The following HTR2C variants were observed in gnomAD, a reference collection of about 807,000 sequenced individuals.
HTR2C encodes 5-hydroxytryptamine receptor 2C, also known as 5-hydroxytryptamine (serotonin) receptor 2C, G protein-coupled.
A neutral mutation model predicts 21.0 loss-of-function variants in HTR2C; 5 were observed. That is an observed-to-expected ratio of 0.24 (90% confidence interval 0.12 to 0.50). The LOEUF (loss-of-function observed/expected upper bound fraction) is 0.50, where lower values mean the gene tolerates loss of function less well. Ranked by LOEUF, HTR2C falls within the 20% of genes least tolerant of loss-of-function variation. The pLI is 0.98. For synonymous variants in HTR2C, 150 were observed against 145.3 expected, an observed-to-expected ratio of 1.03 and a Z score of -0.23; for missense variants, 271 against 371.2, an observed-to-expected ratio of 0.73 and a Z score of 2.22.
intron 4 of HTR2C, among the ~76,000 whole-genome samples, chrX:114,843,290 C>CA (rs2147484612): frequency 9.0e-6 from 1 of 110,674 alleles, no homozygotes; most frequent in African/African-American, 3.3e-5. Context: ...AAATTGTAAA[C>CA]AAAAAACAAT....
At chrX:114,703,978 C>G (rs201092318) in intron 2 of HTR2C, among the ~76,000 whole-genome samples, 1 of 110,066 alleles carries the variant, frequency 9.1e-6, no homozygotes, top group Non-Finnish European at 1.9e-5. Flanking sequence ...ATAAATTCCT[C>G]GACACATACA....
At chrX:114,815,947 A>G (rs2070580614) in intron 4 of HTR2C, among the ~76,000 whole-genome samples, 2 of 110,150 alleles carry the variant, frequency 1.8e-5, no homozygotes, top group Admixed American at 2.0e-4. Context: ...TCTCCTTGAC[A>G]TTTTCGACAA....
At chrX:114,630,389 G>A (rs1929564589) in intron 2 of HTR2C, among the ~76,000 whole-genome samples, 1 of 111,945 alleles carries the variant, frequency 8.9e-6, no homozygotes, top group African/African-American at 3.2e-5. Context: ...ATTGGTGAGT[G>A]GGGAGATTTT....
At chrX:114,731,705 G>C in intron 4 of HTR2C, 98 bp downstream of exon 4, 1 of 669,134 alleles carries the variant, frequency 1.5e-6, no homozygotes, top group Non-Finnish European at 2.2e-6. Context: ...TGTAACATTT[G>C]GAAAAAGAAA....
chrX:114,663,730 T>C (rs941666396), intron 2 of HTR2C, among the ~76,000 whole-genome samples: 20 of 111,564 alleles, frequency 1.8e-4, no homozygotes, highest in Non-Finnish European at 3.8e-4. Flanking sequence ...GGTTGCCCTT[T>C]CTCCAGAGGT....
chrX:114,800,886 A>G (rs1602800855), intron 4 of HTR2C, among the ~76,000 whole-genome samples: 2 of 111,309 alleles, frequency 1.8e-5, no homozygotes, highest in Admixed American at 1.9e-4. Context: ...CTCACATTTC[A>G]CAATAAGATA....
At chrX:114,905,928 A>G (rs782811439) in intron 5 of HTR2C, among the ~76,000 whole-genome samples, 1 of 111,451 alleles carries the variant, frequency 9.0e-6, no homozygotes, top group African/African-American at 3.3e-5. Context: ...GGAGGACTGC[A>G]TATCTCCCAA....
chrX:114,722,519 C>T (rs1320604543), intron 2 of HTR2C, among the ~76,000 whole-genome samples: 1 of 111,011 alleles, frequency 9.0e-6, no homozygotes, highest in Non-Finnish European at 1.9e-5. Flanking sequence ...CTTCTCCTGC[C>T]TGATCGCCCT....
chrX:114,799,248 T>G (rs782751110), intron 4 of HTR2C, among the ~76,000 whole-genome samples: 11 of 110,972 alleles, frequency 9.9e-5, no homozygotes, highest in Non-Finnish European at 1.7e-4. Flanking sequence ...ACTTTTAACT[T>G]TATGTTCAAT....
Position 114,907,830 on chromosome X carries a change from G to A in HTR2C, c.*415G>A, listed in dbSNP as rs201614547. 7.8e-6 allele frequency: 1 copy of A among 128,700 alleles called. No individual in the cohort carries two copies. Among genetic ancestry groups the A allele is most frequent in the South Asian group, 2.6e-4 (1 of 3,787 alleles). 10.6% of individuals were successfully genotyped at this position (128,700 alleles called of 1,213,427 possible). On this transcript the variant is annotated 3_prime_UTR_variant, in exon 6 of 6. Coordinates refer to ENST00000276198, the MANE Select transcript of HTR2C (RefSeq NM_000868.4). ...AACCACACCTAAATTAACAAATTCA[G>A]TGGACATTTGTTCTGGGTTAACAGT...
At chrX:114,706,670 C>A (rs1472821535) in intron 2 of HTR2C, among the ~76,000 whole-genome samples, 192 of 105,247 alleles carry the variant, frequency 1.8e-3, no homozygotes, top group Non-Finnish European at 3.3e-3. Flanking sequence ...TGTAACTAAC[C>A]TACACATTGT....
At chrX:114,677,273 A>G (rs1451741264) in intron 2 of HTR2C, among the ~76,000 whole-genome samples, 1 of 111,367 alleles carries the variant, frequency 9.0e-6, no homozygotes, top group African/African-American at 3.3e-5. Context: ...TGAAATGGGT[A>G]AGAGTCTGGA....
chrX:114,899,335 G>A (rs1465538575), intron 5 of HTR2C, among the ~76,000 whole-genome samples: 1 of 111,236 alleles, frequency 9.0e-6, no homozygotes, highest in Non-Finnish European at 1.9e-5. Flanking sequence ...TTGACTTCCC[G>A]GATTCAGCCC....
chrX:114,626,229 AT>A (rs1422698765), intron 2 of HTR2C, among the ~76,000 whole-genome samples: 1,167 of 107,532 alleles, frequency 0.011, 26 homozygotes, highest in African/African-American at 0.038. Context: ...AAAAAAAAAA[AT>A]AATAAAAAAT....
intron 2 of HTR2C, among the ~76,000 whole-genome samples, chrX:114,639,201 A>G (rs1602655368): frequency 8.9e-6 from 1 of 112,308 alleles, no homozygotes. Flanking sequence ...AAATTTTTAA[A>G]CTATGTGACA....
intron 4 of HTR2C, among the ~76,000 whole-genome samples, chrX:114,737,124 A>G (rs2069598057): frequency 9.0e-6 from 1 of 111,157 alleles, no homozygotes; most frequent in Admixed American, 9.6e-5. Context: ...AAAAAAAATA[A>G]TAAAGATAAG....
chrX:114,722,536 C>A (rs1430637532), intron 2 of HTR2C, among the ~76,000 whole-genome samples: 5 of 110,638 alleles, frequency 4.5e-5, no homozygotes, highest in African/African-American at 9.9e-5. Context: ...CCCTGGCCAG[C>A]ACTTCCAACA....
chrX:114,616,688 C>A (rs1156820806), intron 2 of HTR2C, among the ~76,000 whole-genome samples: 1 of 112,133 alleles, frequency 8.9e-6, no homozygotes, highest in Non-Finnish European at 1.9e-5. Context: ...GCTACCTATT[C>A]TACTGTGCTA....
intron 1 of HTR2C, among the ~76,000 whole-genome samples, chrX:114,595,480 C>T (rs1172337839): frequency 9.1e-6 from 1 of 110,158 alleles, no homozygotes; most frequent in African/African-American, 3.3e-5. Flanking sequence ...GCCTCTGCCT[C>T]CCAAAGTGCT....
Sources: gnomAD v4.1 joint callset for allele counts (sites outside exome capture counted in the v4.1 genomes callset) on GRCh38, gnomAD v4.1.1 for gene constraint, MANE v1.5 for transcripts, NCBI Gene and HGNC (gene_info 2026-07-23, HGNC 2026-07-21) for gene names.